Variants in TOP2B observed in about 807,000 individuals in gnomAD.
TOP2B encodes the protein DNA topoisomerase 2-beta.
A neutral mutation model predicts 193.5 loss-of-function variants in TOP2B; 51 were observed. The ratio of observed to expected loss-of-function variants is 0.26; its 90% CI spans 0.21 to 0.33. The LOEUF (loss-of-function observed/expected upper bound fraction) is 0.33, where lower values mean the gene tolerates loss of function less well. Among genes scored for constraint, TOP2B ranks in the 10% least tolerant of loss-of-function variants. TOP2B has a pLI of 1.00. For synonymous variants in TOP2B, 634 were observed against 635.7 expected (o/e 1.00, Z 0.04); for missense variants, 1,378 against 1,909.3 (o/e 0.72, Z 5.19).
intron 1 of TOP2B, among the ~76,000 whole-genome samples, chr3:25,655,602 T>A (rs1199295403): frequency 6.6e-6 from 1 of 152,232 alleles, no homozygotes; most frequent in African/African-American, 2.4e-5. Context: ...CACGGTATTA[T>A]TCATAATAGC....
Position 25,626,656 on chromosome 3 carries a change from C to G in TOP2B, c.2128G>C (p.Ala710Pro). 1 of 1,535,146 alleles carries G rather than the reference C, an allele frequency of 6.5e-7. No homozygotes were observed. Among genetic ancestry groups the G allele is most frequent in the Non-Finnish European group, 8.8e-7 (1 of 1,142,048 alleles). Reference sequence around the variant, plus strand: ...TCATTATAAGTCAAATGCTTTGTTGCAGTACCATATAAAAATTGCTAAGAG... The same window carrying G: ...TCATTATAAGTCAAATGCTTTGTTGGAGTACCATATAAAAATTGCTAAGAG... Reference protein sequence around the residue: ...GLPEQFLYGTATKHLTYNDFI... With the variant: ...GLPEQFLYGTPTKHLTYNDFI... Residue 710 changes from alanine (A) to proline (P), a missense_variant, in exon 18 of 36, where the codon GCA becomes CCA. By Grantham distance (27) the Ala-to-Pro change is conservative (BLOSUM62 -1). Around this residue, in one of 9 missense-constraint regions of TOP2B, gnomAD observed 379 missense variants for 615.1 expected, o/e 0.62. Transcript: ENST00000264331.
intron 33 of TOP2B, among the ~76,000 whole-genome samples, 152 bp downstream of exon 33, chr3:25,604,608 T>C (rs1253529697): frequency 6.6e-6 from 1 of 152,234 alleles, no homozygotes; most frequent in Non-Finnish European, 1.5e-5. Flanking sequence ...CGCCCTCAGA[T>C]GGCTAGAAAA....
At chr3:25,601,908 T>A (rs1489298882) in intron 33 of TOP2B, among the ~76,000 whole-genome samples, 1 of 152,004 alleles carries the variant, frequency 6.6e-6, no homozygotes, top group East Asian at 1.9e-4. Context: ...GAGAAAAAAA[T>A]GTATGGGATC....
intron 18 of TOP2B, among the ~76,000 whole-genome samples, chr3:25,625,828 T>G (rs545335833): frequency 2.0e-5 from 3 of 152,334 alleles, no homozygotes; most frequent in Middle Eastern, 3.4e-3. Context: ...GCAACTTCTT[T>G]AAGAATTTTG....
chr3:25,608,400 G>A (rs1702288232), intron 30 of TOP2B, among the ~76,000 whole-genome samples: 1 of 152,142 alleles, frequency 6.6e-6, no homozygotes, highest in South Asian at 2.1e-4. Context: ...AGCATTTAAT[G>A]TAATAAACCA....
intron 35 of TOP2B, 25 bp from the exon 36 acceptor site, chr3:25,598,502 AAAGTTATGAAAGG>A (rs770619358): frequency 3.4e-4 from 520 of 1,531,056 alleles, no homozygotes; most frequent in Middle Eastern, 6.9e-4. Flanking sequence ...AATAGATTTA[AAAGTTATGAAAGG>A]AAGTAAAGAC....
chr3:25,620,663 A>T lies in TOP2B; in HGVS notation c.2862+19T>A. 5.6e-6 allele frequency: 9 copies of T among 1,606,848 alleles called. No homozygotes were observed. Among genetic ancestry groups the T allele is most frequent in the Non-Finnish European group, 7.6e-6 (9 of 1,176,514 alleles). On this transcript the variant is annotated intron_variant, in intron 22 of 35. Transcript: ENST00000264331. Reference sequence around the variant, plus strand: ...AATACACTGCCCTTCCCTCAGGCAGATCACATATTTACACTGACCTGTGTC... The same window carrying T: ...AATACACTGCCCTTCCCTCAGGCAGTTCACATATTTACACTGACCTGTGTC...
chr3:25,630,695 C>T, intron 11 of TOP2B, 106 bp downstream of exon 11: 2 of 1,127,048 alleles, frequency 1.8e-6, no homozygotes, highest in Non-Finnish European at 2.4e-6. Flanking sequence ...AAATCATACT[C>T]TGAATGGAAA....
Position 25,645,378 on chromosome 3 carries a change from C to T in TOP2B, c.162G>A (p.Val54=), listed in dbSNP as rs753304258. 3.7e-6 allele frequency: 6 copies of T among 1,613,528 alleles called. No individual in the cohort carries two copies. The highest frequency in any genetic ancestry group is 5.1e-6 in the Non-Finnish European group (6 of 1,179,754). The change falls in exon 2 of 36, where the codon GTG becomes GTA. Residue 54 remains valine, a synonymous_variant. Transcript: ENST00000264331. ...GTTCAAGTTGTGTCTTCTTCTGATACACTCTCTCAACAGACAACTTCTTTG... is the reference window on the plus strand; with the variant it reads ...GTTCAAGTTGTGTCTTCTTCTGATATACTCTCTCAACAGACAACTTCTTTG... ...DSSKKLSVER[V]YQKKTQLEHI... is the part of the protein sequence containing the mutation.
chr3:25,626,724 T>C, intron 17 of TOP2B, 48 bp downstream of exon 17: 1 of 1,534,666 alleles, frequency 6.5e-7, no homozygotes, highest in Middle Eastern at 1.7e-4. Flanking sequence ...GCATGAATTC[T>C]AGTCTCTCTC....
chr3:25,640,322 G>C (rs1425264221), intron 4 of TOP2B, among the ~76,000 whole-genome samples: 1 of 152,004 alleles, frequency 6.6e-6, no homozygotes, highest in Non-Finnish European at 1.5e-5. Context: ...TCAATTAAAG[G>C]CAAGATCAAG....
intron 2 of TOP2B, among the ~76,000 whole-genome samples, chr3:25,644,516 C>T (rs949996598): frequency 6.6e-6 from 1 of 152,004 alleles, no homozygotes; most frequent in African/African-American, 2.4e-5. Flanking sequence ...GCCTGGCCAA[C>T]ATGGCAAAAC....
chr3:25,657,621 A>G (rs1703782487), intron 1 of TOP2B, among the ~76,000 whole-genome samples: 1 of 151,288 alleles, frequency 6.6e-6, no homozygotes, highest in Admixed American at 6.5e-5. Flanking sequence ...GCAGGCTAAC[A>G]GAATTATACT....
At chr3:25,601,028 C>T in intron 34 of TOP2B, 72 bp downstream of exon 34, 2 of 1,513,410 alleles carry the variant, frequency 1.3e-6, no homozygotes, top group Non-Finnish European at 1.8e-6. Context: ...TCTCTAAATT[C>T]AATGAGGTAG....
rs75776770 is a variant in TOP2B, at chr3:25,638,026, A to G, written c.541+139T>C. 3,184 of 848,156 alleles carry G rather than the reference A, an allele frequency of 3.8e-3. 78 individuals are homozygous for G. In the African/African-American group the frequency reaches 0.049, roughly 13 times the overall value. 52.5% of individuals were successfully genotyped at this position (848,156 alleles called of 1,614,324 possible). A position where few individuals can be genotyped will look rare whatever the true frequency, so the allele number is the denominator to read the frequency against. ...TCACTGTTAAACTATTACCAAGACAATATTTATACATGATAGTTTATAAAT... is the reference window on the plus strand; with the variant it reads ...TCACTGTTAAACTATTACCAAGACAGTATTTATACATGATAGTTTATAAAT... On this transcript the variant is annotated intron_variant, in intron 5 of 35. Coordinates refer to ENST00000264331, the MANE Select transcript of TOP2B (RefSeq NM_001330700.2).
At chr3:25,621,371 TTTG>T (rs1702653773) in intron 21 of TOP2B, among the ~76,000 whole-genome samples, 1 of 152,166 alleles carries the variant, frequency 6.6e-6, no homozygotes, top group Non-Finnish European at 1.5e-5. Flanking sequence ...TAAGTTTTTA[TTTG>T]TTTTGAGACA....
chr3:25,600,533 T>C (rs73051949), intron 34 of TOP2B, among the ~76,000 whole-genome samples: 21,830 of 152,178 alleles, frequency 0.14, 1,869 homozygotes, highest in East Asian at 0.2. Flanking sequence ...CTGAGGAAGA[T>C]ATCCTTCAGT....
At chr3:25,609,141 G>A in intron 30 of TOP2B, 42 bp downstream of exon 30, 12 of 1,514,196 alleles carry the variant, frequency 7.9e-6, no homozygotes, top group South Asian at 1.3e-5. Context: ...CAACGTATAG[G>A]TTAAACTATA....
At chr3:25,664,102 C>G (rs1704006499) in intron 1 of TOP2B, 127 bp downstream of exon 1, 5 of 1,362,466 alleles carry the variant, frequency 3.7e-6, no homozygotes, top group Non-Finnish European at 5.0e-6. Flanking sequence ...CAAGCACAGG[C>G]CCCTATGGAG....
Sources: allele counts gnomAD v4.1 joint callset (sites outside exome capture counted in the v4.1 genomes callset), GRCh38; gene constraint gnomAD v4.1.1; regional missense constraint gnomAD v4.1.1; transcripts MANE v1.5; gene names NCBI Gene and HGNC (gene_info 2026-07-23, HGNC 2026-07-21).